The following B3GALT1 variants were observed in gnomAD, a reference collection of about 807,000 sequenced individuals.
The protein encoded by B3GALT1 is UDP-Gal:betaGlcNAc beta 1,3-galactosyltransferase, polypeptide 1.
A neutral mutation model predicts 23.2 loss-of-function variants in B3GALT1; 10 were observed. That is an observed-to-expected ratio of 0.43 (90% CI 0.27 to 0.73). The LOEUF is 0.73. Ranked by LOEUF, B3GALT1 falls within the 30% of genes least tolerant of loss-of-function variation. The pLI is 0.21. For missense variants in B3GALT1, 299 were observed against 405.4 expected (o/e 0.74, Z 2.25); for synonymous variants, 156 against 141.5 (o/e 1.10, Z -0.73).
chr2:167,346,626 C>T (rs1054893851), intron 1 of B3GALT1, among the ~76,000 whole-genome samples: 1 of 152,006 alleles, frequency 6.6e-6, no homozygotes, highest in African/African-American at 2.4e-5. Flanking sequence ...AGAAATATTA[C>T]AGTTATCGTA....
At chr2:167,481,063 C>T (rs1443074318) in intron 1 of B3GALT1, among the ~76,000 whole-genome samples, 3 of 152,102 alleles carry the variant, frequency 2.0e-5, no homozygotes, top group Non-Finnish European at 4.4e-5. Flanking sequence ...GCAGCTGGTA[C>T]TTGCAATTCA....
chr2:167,804,605 G>T (rs796768162), intron 3 of B3GALT1, among the ~76,000 whole-genome samples: 4,956 of 152,080 alleles, frequency 0.033, 117 homozygotes, highest in South Asian at 0.069. Context: ...GAGATAGTTT[G>T]CTGAGAATGA....
intron 2 of B3GALT1, among the ~76,000 whole-genome samples, chr2:167,637,995 A>T (rs1685588453): frequency 6.6e-6 from 1 of 152,150 alleles, no homozygotes; most frequent in African/African-American, 2.4e-5. Context: ...AGGAAGTCAG[A>T]ATCAGCAAAG....
chr2:167,639,018 T>G (rs893648126), intron 2 of B3GALT1, among the ~76,000 whole-genome samples: 2 of 152,068 alleles, frequency 1.3e-5, no homozygotes, highest in Non-Finnish European at 2.9e-5. Flanking sequence ...GGAGTATGCT[T>G]AGTTAATACT....
chr2:167,772,023 C>G (rs1488112907), intron 3 of B3GALT1, among the ~76,000 whole-genome samples: 1 of 152,120 alleles, frequency 6.6e-6, no homozygotes, highest in Non-Finnish European at 1.5e-5. Flanking sequence ...ATACCAGAAA[C>G]TTTTACTGAA....
At position 167,663,054 on chromosome 2, in the gene B3GALT1, A is replaced by G. The variant is rs548143281; in HGVS notation, c.-352+16088A>G. On this transcript the variant is annotated intron_variant, in intron 3 of 4. Transcript: ENST00000392690. Reference sequence around the variant, plus strand: ...TACATGTGTCATGCTGGTGCACTGCACACACTAACTCATCATCTAGCATTA... The same window carrying G: ...TACATGTGTCATGCTGGTGCACTGCGCACACTAACTCATCATCTAGCATTA... Among the ~76,000 whole-genome samples the G allele has an allele frequency of 1.9e-3, 289 of 151,706 alleles. 2 individuals carry two copies. The highest frequency in any genetic ancestry group is 6.4e-3 in the African/African-American group (266 of 41,336).
chr2:167,574,215 C>T (rs958043988), intron 2 of B3GALT1, among the ~76,000 whole-genome samples: 2 of 151,592 alleles, frequency 1.3e-5, no homozygotes, highest in Admixed American at 1.3e-4. Context: ...CATTTGCATT[C>T]AAATGATACC....
At chr2:167,605,968 A>C (rs1026251433) in intron 2 of B3GALT1, among the ~76,000 whole-genome samples, 3 of 152,192 alleles carry the variant, frequency 2.0e-5, no homozygotes, top group Admixed American at 2.0e-4. Flanking sequence ...GGCTGTGTGC[A>C]TGTATTAGGT....
chr2:167,346,873 C>G (rs181457471), intron 1 of B3GALT1, among the ~76,000 whole-genome samples: 2 of 152,082 alleles, frequency 1.3e-5, no homozygotes, highest in African/African-American at 4.8e-5. Flanking sequence ...AAACAATTTT[C>G]TACACACTGC....
At chr2:167,352,522 A>G (rs1392168209) in intron 1 of B3GALT1, among the ~76,000 whole-genome samples, 1 of 149,630 alleles carries the variant, frequency 6.7e-6, no homozygotes, top group Non-Finnish European at 1.5e-5. Flanking sequence ...ATCGAGACCA[A>G]CCTGGCTAAC....
At chr2:167,471,939 G>T (rs1699423469) in intron 1 of B3GALT1, among the ~76,000 whole-genome samples, 1 of 152,120 alleles carries the variant, frequency 6.6e-6, no homozygotes, top group South Asian at 2.1e-4. Context: ...GGGATAGTGT[G>T]AAACACTGTA....
At chr2:167,587,875 G>A (rs1684608402) in intron 2 of B3GALT1, among the ~76,000 whole-genome samples, 1 of 152,126 alleles carries the variant, frequency 6.6e-6, no homozygotes, top group Non-Finnish European at 1.5e-5. Flanking sequence ...GATATAATTG[G>A]AGAGACAGTC....
chr2:167,727,883 C>T (rs1687344825), intron 3 of B3GALT1, among the ~76,000 whole-genome samples: 1 of 152,096 alleles, frequency 6.6e-6, no homozygotes, highest in Non-Finnish European at 1.5e-5. Context: ...GAAAGTTAAA[C>T]AGCTTGTCTT....
chr2:167,673,210 A>G (rs1274155853), intron 3 of B3GALT1, among the ~76,000 whole-genome samples: 2 of 152,138 alleles, frequency 1.3e-5, no homozygotes, highest in African/African-American at 2.4e-5. Context: ...AGGTGATGAC[A>G]TGAAGTATGA....
rs397873377 is a variant in B3GALT1 at position 167,590,345 on chromosome 2, C to CA, written c.-409-56543dup. ...TGGGCGACAGAGCAAGACTCTGTCT[C>CA]AAAAAAAAAAAAAAAAAAAAAGGAA... On this transcript the variant is annotated intron_variant, in intron 2 of 4. Transcript: ENST00000392690. Among the ~76,000 whole-genome samples, 305 of 78,228 alleles carry CA rather than the reference C, an allele frequency of 3.9e-3. 2 individuals are homozygous for CA. Among genetic ancestry groups the CA allele is most frequent in the Non-Finnish European group, 5.4e-3 (210 of 38,846 alleles). The allele number at this position is 78,228 out of a possible 152,430, so 51.3% of individuals were successfully genotyped here.
At chr2:167,595,144 T>C (rs1367751618) in intron 2 of B3GALT1, among the ~76,000 whole-genome samples, 1 of 152,114 alleles carries the variant, frequency 6.6e-6, no homozygotes, top group Admixed American at 6.5e-5. Context: ...TGCAGCAGGC[T>C]GGTGTGACAC....
chr2:167,500,463 G>A (rs1226041615), intron 2 of B3GALT1, among the ~76,000 whole-genome samples: 2 of 151,988 alleles, frequency 1.3e-5, no homozygotes, highest in East Asian at 1.9e-4. Context: ...AATGATCTTT[G>A]CAGCAAATTC....
intron 2 of B3GALT1, among the ~76,000 whole-genome samples, chr2:167,593,817 A>G (rs925198025): frequency 6.6e-6 from 1 of 152,164 alleles, no homozygotes; most frequent in African/African-American, 2.4e-5. Context: ...GCTTTCAGGA[A>G]TGATGGATTT....
Position 167,526,332 on chromosome 2 carries a change from A to G in B3GALT1, c.-410+36055A>G, listed in dbSNP as rs138496159. On this transcript the variant is annotated intron_variant, in intron 2 of 4. Transcript: ENST00000392690. ...AGTCTTCCTTTTTTATTTCTCTGTA[A>G]CTTCCATCTCTGAGGGTGTGAACAA... Among the ~76,000 whole-genome samples the G allele has an allele frequency of 1.2e-3, 181 of 152,138 alleles. 2 individuals are homozygous for G. The highest frequency in any genetic ancestry group is 4.1e-3 in the African/African-American group (171 of 41,510).
Sources: gnomAD v4.1 joint callset for allele counts (sites outside exome capture counted in the v4.1 genomes callset) on GRCh38, gnomAD v4.1.1 for gene constraint, MANE v1.5 for transcripts, NCBI Gene and HGNC (gene_info 2026-07-23, HGNC 2026-07-21) for gene names.